Variants in HDAC8 observed in about 807,000 individuals in gnomAD.
The protein encoded by HDAC8 is histone deacetylase-like 1.
Under a neutral mutation model 32.2 loss-of-function variants are expected in HDAC8, and 1 was observed. The ratio of observed to expected loss-of-function variants is 0.03; its 90% CI spans 0.01 to 0.15. The LOEUF (loss-of-function observed/expected upper bound fraction) is 0.15, where lower values mean the gene tolerates loss of function less well. Ranked by LOEUF, HDAC8 falls within the 10% of genes least tolerant of loss-of-function variation. The pLI is 1.00. For missense variants in HDAC8, 117 were observed against 300.0 expected, an observed-to-expected ratio of 0.39 and a Z score of 4.51; for synonymous variants, 108 against 113.9, an observed-to-expected ratio of 0.95 and a Z score of 0.33.
chrX:72,347,047 G>C (rs1464800540), intron 10 of HDAC8, among the ~76,000 whole-genome samples: 1 of 111,626 alleles, frequency 9.0e-6, no homozygotes, highest in Non-Finnish European at 1.9e-5. Context: ...CTCCAGGCCT[G>C]TGTTCCAATG....
intron 7 of HDAC8, chrX:72,480,463 G>A (rs1461449202): frequency 3.1e-6 from 1 of 322,407 alleles, no homozygotes. Flanking sequence ...GTTGGTGGGA[G>A]TGTAAATTAG....
rs1369546520 is a variant in HDAC8, at chrX:72,387,898, T to C, written c.1006-36060A>G. Among the ~76,000 whole-genome samples the C allele has an allele frequency of 1.8e-5, 2 of 110,723 alleles. 1 individual carries two copies. The highest frequency in any genetic ancestry group is 3.8e-5 in the Non-Finnish European group (2 of 52,952). ...ATATAATAAGGTCTCAAGTTAACTA[T>C]GTGTGTCAGATATTATAGGATCGCA... On this transcript the variant is annotated intron_variant, in intron 9 of 10. Transcript: ENST00000373573.
At chrX:72,355,073 G>A (rs1333684805) in intron 9 of HDAC8, among the ~76,000 whole-genome samples, 1 of 111,969 alleles carries the variant, frequency 8.9e-6, no homozygotes, top group South Asian at 3.7e-4. Context: ...GTCCCTCCCC[G>A]CTTGCTTAAG....
At position 72,343,658 on chromosome X, in the gene HDAC8, C is replaced by G. The variant is rs141081731; in HGVS notation, c.1111+8075G>C. The stretch of plus-strand genomic sequence containing the variant: ...ATGTAATCTCCATGATGGGCAAGGA[C>G]TTTATTTGACCTATTTCCTTTATTA... On this transcript the variant is annotated intron_variant, in intron 10 of 10. Transcript: ENST00000373573. 2.7e-3 allele frequency among the ~76,000 whole-genome samples: 301 copies of G among 110,497 alleles called. 1 individual carries two copies. Among genetic ancestry groups the G allele is most frequent in the Middle Eastern group, 9.6e-3 (2 of 209 alleles).
chrX:72,457,993 TACACAC>T (rs782161512), intron 9 of HDAC8, among the ~76,000 whole-genome samples: 1 of 108,434 alleles, frequency 9.2e-6, no homozygotes, highest in Non-Finnish European at 1.9e-5. Flanking sequence ...CACATATACA[TACACAC>T]ACACACACAC....
At chrX:72,528,500 G>A (rs1340670168) in intron 4 of HDAC8, among the ~76,000 whole-genome samples, 1 of 112,093 alleles carries the variant, frequency 8.9e-6, no homozygotes, top group African/African-American at 3.2e-5. Flanking sequence ...AGGGAAAAGT[G>A]AGCTTCCTGT....
At chrX:72,421,569 C>G (rs1446861626) in intron 9 of HDAC8, among the ~76,000 whole-genome samples, 1 of 112,687 alleles carries the variant, frequency 8.9e-6, no homozygotes, top group Non-Finnish European at 1.9e-5. Flanking sequence ...AGTTCCACTG[C>G]TTTCTTTATG....
At chrX:72,337,743 C>G (rs1313600575) in intron 10 of HDAC8, among the ~76,000 whole-genome samples, 3 of 111,739 alleles carry the variant, frequency 2.7e-5, no homozygotes, top group Non-Finnish European at 5.6e-5. Context: ...ATGCTCAAAT[C>G]CCTCTAACAG....
chrX:72,331,632 C>CAAA (rs202058788), intron 10 of HDAC8, among the ~76,000 whole-genome samples: 1,532 of 106,131 alleles, frequency 0.014, 36 homozygotes, highest in African/African-American at 0.05. Context: ...CAGGAAGCTG[C>CAAA]AAAAAAAAAA....
At chrX:72,538,505 A>G (rs2147446709) in intron 4 of HDAC8, among the ~76,000 whole-genome samples, 1 of 111,626 alleles carries the variant, frequency 9.0e-6, no homozygotes, top group South Asian at 3.8e-4. Context: ...ATATTTAAAC[A>G]CTGACACTGA....
chrX:72,538,403 C>T (rs185973899), intron 4 of HDAC8, among the ~76,000 whole-genome samples: 197 of 110,272 alleles, frequency 1.8e-3, no homozygotes, highest in African/African-American at 6.1e-3. Context: ...AGGCTGGTCT[C>T]GAACTCCTGA....
intron 4 of HDAC8, among the ~76,000 whole-genome samples, chrX:72,535,302 G>C (rs1012660286): frequency 9.0e-6 from 1 of 111,683 alleles, no homozygotes; most frequent in Non-Finnish European, 1.9e-5. Flanking sequence ...TGATTGGTCT[G>C]AGGTGAGAGG....
chrX:72,470,250 T>A (rs1470824856), intron 7 of HDAC8, among the ~76,000 whole-genome samples: 2 of 111,118 alleles, frequency 1.8e-5, no homozygotes, highest in African/African-American at 6.6e-5. Context: ...AATCTCCCTA[T>A]TTCCATCTCA....
chrX:72,541,720 G>GT (rs1556043228), intron 4 of HDAC8, among the ~76,000 whole-genome samples: 1 of 111,395 alleles, frequency 9.0e-6, no homozygotes, highest in Non-Finnish European at 1.9e-5. Flanking sequence ...AGTTGACAGG[G>GT]TTTTTTTACA....
At chrX:72,331,348 C>T (rs1361518706) in intron 10 of HDAC8, among the ~76,000 whole-genome samples, 2 of 111,297 alleles carry the variant, frequency 1.8e-5, no homozygotes, top group African/African-American at 6.5e-5. Flanking sequence ...AGTTCCATAA[C>T]CCCTCAAATC....
chrX:72,413,286 G>T, intron 9 of HDAC8, among the ~76,000 whole-genome samples: 1 of 65,717 alleles, frequency 1.5e-5, no homozygotes, highest in Non-Finnish European at 2.7e-5. Context: ...CCCCACAACA[G>T]GCCCCGGTGT....
intron 4 of HDAC8, among the ~76,000 whole-genome samples, chrX:72,523,548 C>T (rs782284143): frequency 1.2e-4 from 13 of 110,859 alleles, no homozygotes; most frequent in African/African-American, 3.3e-4. Context: ...TCTCAGTTTC[C>T]TTCTCTGGTT....
chrX:72,386,276 T>C (rs1370891289), intron 9 of HDAC8, among the ~76,000 whole-genome samples: 1 of 111,793 alleles, frequency 8.9e-6, no homozygotes, highest in African/African-American at 3.3e-5. Flanking sequence ...TGGTACTATT[T>C]GTCCCAATTA....
At chrX:72,333,107 T>C (rs2043576654) in intron 10 of HDAC8, among the ~76,000 whole-genome samples, 1 of 99,057 alleles carries the variant, frequency 1.0e-5, no homozygotes, top group Non-Finnish European at 2.1e-5. Flanking sequence ...TTTTTTTCTT[T>C]TTTTGGATCA....
Sources: allele counts gnomAD v4.1 joint callset (sites outside exome capture counted in the v4.1 genomes callset), GRCh38; gene constraint gnomAD v4.1.1; transcripts MANE v1.5; gene names NCBI Gene and HGNC (gene_info 2026-07-23, HGNC 2026-07-21).